The following MYT1L variants were observed in gnomAD, a reference collection of about 807,000 sequenced individuals.
MYT1L encodes the protein myelin transcription factor 1-like protein.
MYT1L carries 12 observed loss-of-function variants against 126.7 expected under a neutral mutation model. That is an observed-to-expected ratio of 0.09 (90% CI 0.06 to 0.15). The LOEUF is 0.15. Among genes scored for constraint, MYT1L ranks in the 10% least tolerant of loss-of-function variants. The probability of loss-of-function intolerance (pLI) is 1.00; values close to 1 mark genes in which losing one functional copy is unlikely to be tolerated. For missense variants in MYT1L, 979 were observed against 1,585.2 expected (o/e 0.62, Z 6.49); for synonymous variants, 541 against 604.2 (o/e 0.90, Z 1.53).
Position 1,979,143 on chromosome 2 carries a change from G to A in MYT1L, c.152+22C>T. 1 of 1,584,004 alleles carries A rather than the reference G, an allele frequency of 6.3e-7. No homozygotes were observed. Among genetic ancestry groups the A allele is most frequent in the Non-Finnish European group, 8.6e-7 (1 of 1,157,028 alleles). Reference sequence around the variant, plus strand: ...AAGTCACTTTAGACAGCACATTGTGGAAAAAAAAATGCAGGCATTACCTTC... The same window carrying A: ...AAGTCACTTTAGACAGCACATTGTGAAAAAAAAAATGCAGGCATTACCTTC... On this transcript the variant is annotated intron_variant, in intron 8 of 24. Transcript: ENST00000647738. The surrounding 1 kb of genome is among the most constrained non-coding windows in gnomAD (Gnocchi z 4.0).
chr2:1,883,793 C>T (rs1197131374), intron 18 of MYT1L: 3 of 152,168 alleles, frequency 2.0e-5, no homozygotes, highest in Non-Finnish European at 2.9e-5. Flanking sequence ...GGGGCTTCCT[C>T]CCTGACTTCT....
chr2:2,160,997 A>G (rs1395822568), intron 3 of MYT1L, among the ~76,000 whole-genome samples: 9 of 152,146 alleles, frequency 5.9e-5, no homozygotes, highest in Admixed American at 5.9e-4. Context: ...CGGGCGGATC[A>G]CTTGAGGTCA....
chr2:2,102,199 T>A (rs1290019344), intron 3 of MYT1L, among the ~76,000 whole-genome samples: 2 of 152,198 alleles, frequency 1.3e-5, no homozygotes, highest in Non-Finnish European at 2.9e-5. Flanking sequence ...AAATTATATA[T>A]GTTTTGGCAA....
intron 5 of MYT1L, among the ~76,000 whole-genome samples, chr2:1,992,213 G>A (rs554761624): frequency 1.3e-5 from 2 of 152,220 alleles, no homozygotes; most frequent in African/African-American, 2.4e-5. Flanking sequence ...ACCCAGCGTC[G>A]GTCCACGTTC....
At chr2:2,215,242 A>G (rs1291972970) in intron 2 of MYT1L, among the ~76,000 whole-genome samples, 1 of 152,210 alleles carries the variant, frequency 6.6e-6, no homozygotes, top group Non-Finnish European at 1.5e-5. Context: ...TAAACACAGT[A>G]ATAAAAATGC....
chr2:2,145,717 G>A (rs750719039), intron 3 of MYT1L, among the ~76,000 whole-genome samples: 1 of 151,840 alleles, frequency 6.6e-6, no homozygotes, highest in Non-Finnish European at 1.5e-5. Flanking sequence ...CTGTAATGGT[G>A]GCTTACAGCA....
chr2:1,872,060 G>A (rs1355832786), intron 18 of MYT1L, among the ~76,000 whole-genome samples: 1 of 152,186 alleles, frequency 6.6e-6, no homozygotes, highest in Non-Finnish European at 1.5e-5. Context: ...GCCGCATGAA[G>A]GTGGAGCTAG....
At chr2:2,299,546 C>T (rs2095752242) in intron 1 of MYT1L, among the ~76,000 whole-genome samples, 1 of 152,230 alleles carries the variant, frequency 6.6e-6, no homozygotes, top group South Asian at 2.1e-4. Context: ...TTTGCTCCTT[C>T]ACTCAAGATA....
chr2:1,940,857 A>G (rs544833339), intron 9 of MYT1L, among the ~76,000 whole-genome samples: 1 of 152,284 alleles, frequency 6.6e-6, no homozygotes, highest in Admixed American at 6.5e-5. Flanking sequence ...TGACCACATG[A>G]GTGGTGGGCA....
chr2:1,860,755 G>A (rs2044483918), intron 18 of MYT1L, among the ~76,000 whole-genome samples: 1 of 152,094 alleles, frequency 6.6e-6, no homozygotes, highest in Non-Finnish European at 1.5e-5. Context: ...ATCACTCTCA[G>A]AGGCAAGGAC....
chr2:2,150,838 GA>G (rs1395723730), intron 3 of MYT1L, among the ~76,000 whole-genome samples: 3 of 145,624 alleles, frequency 2.1e-5, no homozygotes, highest in African/African-American at 7.5e-5. Flanking sequence ...GAAAGGAAGG[GA>G]AGGGAAAAGA....
At chr2:2,255,545 C>T (rs1011612975) in intron 2 of MYT1L, among the ~76,000 whole-genome samples, 2 of 152,032 alleles carry the variant, frequency 1.3e-5, no homozygotes, top group Non-Finnish European at 2.9e-5. Context: ...ACTCTGGAAA[C>T]GATATTTACA....
chr2:2,017,630 T>C (rs1486896030), intron 4 of MYT1L, among the ~76,000 whole-genome samples: 1 of 152,224 alleles, frequency 6.6e-6, no homozygotes, highest in Admixed American at 6.5e-5. Context: ...TTTGTAGCAA[T>C]GTTTAAGCAC....
At chr2:1,857,785 G>A (rs2044097206) in intron 18 of MYT1L, among the ~76,000 whole-genome samples, 1 of 152,016 alleles carries the variant, frequency 6.6e-6, no homozygotes, top group African/African-American at 2.4e-5. Flanking sequence ...CACCTAAACA[G>A]ATCTGGTTCT....
At chr2:2,208,630 AC>A (rs1448617965) in intron 2 of MYT1L, among the ~76,000 whole-genome samples, 9 of 152,214 alleles carry the variant, frequency 5.9e-5, no homozygotes, top group Non-Finnish European at 8.8e-5. Flanking sequence ...TTTATAAATA[AC>A]CTTTTTTCTT....
intron 21 of MYT1L, among the ~76,000 whole-genome samples, chr2:1,815,986 C>CT (rs900344211): frequency 2.0e-5 from 3 of 151,998 alleles, no homozygotes; most frequent in Admixed American, 6.5e-5. Flanking sequence ...ACAGTTATCT[C>CT]TTTTTTTTCT....
At chr2:2,092,564 A>G (rs114987814) in intron 3 of MYT1L, among the ~76,000 whole-genome samples, 391 of 152,340 alleles carry the variant, frequency 2.6e-3, no homozygotes, top group African/African-American at 9.0e-3. Context: ...GACTTGATTG[A>G]CGCAGGGTTG....
chr2:2,245,761 C>T (rs1176128498), intron 2 of MYT1L, among the ~76,000 whole-genome samples: 1 of 152,124 alleles, frequency 6.6e-6, no homozygotes, highest in African/African-American at 2.4e-5. Flanking sequence ...GTGGAGCCTG[C>T]TGAAGGCTGT....
intron 4 of MYT1L, among the ~76,000 whole-genome samples, chr2:2,053,740 TATAACTAG>T (rs893949009): frequency 1.2e-4 from 19 of 152,322 alleles, no homozygotes; most frequent in African/African-American, 4.3e-4. Flanking sequence ...TGGGTGATGT[TATAACTAG>T]ATAACAGAAG....
Sources: gnomAD v4.1 joint callset for allele counts (sites outside exome capture counted in the v4.1 genomes callset) on GRCh38, gnomAD v4.1.1 for gene constraint, Gnocchi (gnomAD v3.1) non-coding constraint, MANE v1.5 for transcripts, NCBI Gene and HGNC (gene_info 2026-07-23, HGNC 2026-07-21) for gene names.